Variants in ERC1 observed in about 807,000 individuals in gnomAD.
ERC1 encodes RAB6 interacting protein 2.
Under a neutral mutation model 132.0 loss-of-function variants are expected in ERC1, and 56 were observed. That is an observed-to-expected ratio of 0.42 (90% confidence interval 0.34 to 0.53). The LOEUF (loss-of-function observed/expected upper bound fraction) is 0.53. Ranked by LOEUF, ERC1 falls within the 20% of genes least tolerant of loss-of-function variation. ERC1 has a pLI of 0.03. For missense variants in ERC1, 1,202 were observed against 1,349.9 expected, an observed-to-expected ratio of 0.89 and a Z score of 1.72; for synonymous variants, 478 against 476.1, an observed-to-expected ratio of 1.00 and a Z score of -0.05.
chr12:1,065,521 T>TGTGTGTGTGG (rs61391025), intron 2 of ERC1, among the ~76,000 whole-genome samples: 1 of 146,746 alleles, frequency 6.8e-6, no homozygotes, highest in Non-Finnish European at 1.5e-5. Flanking sequence ...TGTGTGTGTG[T>TGTGTGTGTGG]TTGTATATTG....
rs1592398230 is a variant in ERC1, at chr12:1,493,111, G to A, written c.*2881G>A. 1 of 218,096 alleles carries A rather than the reference G, an allele frequency of 4.6e-6. No individual in the cohort carries two copies. The highest frequency in any genetic ancestry group is 9.2e-6 in the Non-Finnish European group (1 of 108,450). The allele number at this position is 218,096 out of a possible 1,614,324, so 13.5% of individuals were successfully genotyped here. ...GGTTTTGTAACTGAAGAAGCCCAGT[G>A]TGAGCTTCTCATCTTTTCATATACC... is the stretch of plus-strand genomic sequence containing the variant. On this transcript the variant is annotated 3_prime_UTR_variant, in exon 19 of 19. Coordinates refer to ENST00000360905, the MANE Select transcript of ERC1 (RefSeq NM_178040.4).
At chr12:1,219,944 G>C (rs1305585977) in intron 12 of ERC1, among the ~76,000 whole-genome samples, 2 of 152,174 alleles carry the variant, frequency 1.3e-5, no homozygotes, top group Admixed American at 6.6e-5. Flanking sequence ...ATCATACACA[G>C]TGAAACCCAA....
chr12:1,226,069 A>C (rs1015898546), intron 12 of ERC1, among the ~76,000 whole-genome samples: 1 of 152,252 alleles, frequency 6.6e-6, no homozygotes, highest in Non-Finnish European at 1.5e-5. Context: ...AGTAAGGAGA[A>C]TAAATATAAA....
chr12:1,315,780 T>C (rs1357146157), intron 15 of ERC1, among the ~76,000 whole-genome samples: 1 of 152,192 alleles, frequency 6.6e-6, no homozygotes, highest in African/African-American at 2.4e-5. Flanking sequence ...GGACCGATGG[T>C]ATAATTGAGT....
At chr12:1,474,419 C>T (rs916818216) in intron 18 of ERC1, among the ~76,000 whole-genome samples, 1 of 152,194 alleles carries the variant, frequency 6.6e-6, no homozygotes, top group Admixed American at 6.5e-5. Context: ...TCCCTTTCAC[C>T]TCATGCTTTG....
In ERC1 at chr12:1,091,915, G is replaced by A. The variant is rs147949982; in HGVS notation, c.1086+8335G>A. 1.7e-3 allele frequency among the ~76,000 whole-genome samples: 259 copies of A among 152,196 alleles called. 1 individual carries two copies. Among genetic ancestry groups the A allele is most frequent in the African/African-American group, 5.7e-3 (235 of 41,536 alleles). On this transcript the variant is annotated intron_variant, in intron 3 of 18. Transcript: ENST00000360905. The stretch of plus-strand genomic sequence containing the variant: ...ATCAGGAAGCAGCACAAAGAATTAT[G>A]GGCTGGCAATGCTAGGGTATCCAGA...
intron 1 of ERC1, among the ~76,000 whole-genome samples, chr12:1,007,534 C>T (rs958573730): frequency 1.3e-4 from 9 of 68,540 alleles, no homozygotes; most frequent in African/African-American, 5.5e-4. Context: ...CTCTCTCTCT[C>T]TCTCTCTGTG....
At chr12:1,466,817 T>G (rs1330054198) in intron 18 of ERC1, among the ~76,000 whole-genome samples, 2 of 152,202 alleles carry the variant, frequency 1.3e-5, no homozygotes, top group African/African-American at 4.8e-5. Context: ...GGTGCTTGTT[T>G]AGCGACTGAA....
intron 1 of ERC1, 22 bp from the exon 2 acceptor site, chr12:1,027,726 A>G: frequency 3.4e-6 from 2 of 580,306 alleles, no homozygotes; most frequent in Non-Finnish European, 6.1e-6. Context: ...GGAGGATTTA[A>G]TGTGTGATCT....
At chr12:1,270,674 A>G (rs116664721) in intron 14 of ERC1, among the ~76,000 whole-genome samples, 1,888 of 151,698 alleles carry the variant, frequency 0.012, 40 homozygotes, top group African/African-American at 0.042. Flanking sequence ...TAATATATCT[A>G]TTGGTTTTGA....
chr12:1,016,007 C>G (rs573507605), intron 1 of ERC1, among the ~76,000 whole-genome samples: 64 of 149,410 alleles, frequency 4.3e-4, no homozygotes, highest in Admixed American at 8.7e-4. Context: ...TCAGGTTGGA[C>G]TAGTAATTTT....
In ERC1 at chr12:1,455,631, G is replaced by A. The variant is rs147821173; in HGVS notation, c.3213+10881G>A. ...GAATCCAGCACTGACATTAGCTCAC[G>A]TAGAACTAACATCTACTCAGGGAGT... On this transcript the variant is annotated intron_variant, in intron 18 of 18. Coordinates refer to ENST00000360905, the MANE Select transcript of ERC1 (RefSeq NM_178040.4). Among the ~76,000 whole-genome samples, 76 of 152,300 alleles carry A rather than the reference G, an allele frequency of 5.0e-4. 1 individual carries two copies. In the East Asian group the frequency reaches 0.012, roughly 24 times the overall value.
chr12:1,274,055 G>A (rs1039940371), intron 14 of ERC1, among the ~76,000 whole-genome samples: 6 of 152,152 alleles, frequency 3.9e-5, no homozygotes, highest in Non-Finnish European at 8.8e-5. Flanking sequence ...TTCCACATTC[G>A]TGTGGTAGCA....
chr12:1,043,818 C>T (rs1373864807), intron 2 of ERC1, among the ~76,000 whole-genome samples: 1 of 137,322 alleles, frequency 7.3e-6, no homozygotes, highest in African/African-American at 2.4e-5. Context: ...TTTGGAAAAG[C>T]ACTTCAACAG....
chr12:1,440,974 G>T lies in ERC1; in HGVS notation c.3025-3588G>T, dbSNP rs1345042679. On this transcript the variant is annotated intron_variant, in intron 17 of 18. Coordinates refer to ENST00000360905, the MANE Select transcript of ERC1 (RefSeq NM_178040.4). ...GCCTTATTTTTTAAGTTTTCGATTG[G>T]ACTCTGAAATTTTTCAGAATACCAG... Among the ~76,000 whole-genome samples, 4 of 151,484 alleles carry T rather than the reference G, an allele frequency of 2.6e-5. No homozygotes were observed. The East Asian group carries it at 5.9e-4, about 22-fold the overall frequency.
Position 1,190,174 on chromosome 12 carries a change from A to G in ERC1, c.2351+122A>G, listed in dbSNP as rs747053247. ...TTTAGGTTCTCGAATTCTTGCTATT[A>G]CTGTATTAGCTGCCTTTTTTCTAGG... On this transcript the variant is annotated intron_variant, in intron 12 of 18. Coordinates refer to ENST00000360905, the MANE Select transcript of ERC1 (RefSeq NM_178040.4). 3 of 922,242 alleles carry G rather than the reference A, an allele frequency of 3.3e-6. No homozygotes were observed. In the African/African-American group the frequency reaches 4.8e-5, roughly 15 times the overall value. 57.1% of individuals were successfully genotyped at this position (922,242 alleles called of 1,614,324 possible). A position where few individuals can be genotyped will look rare whatever the true frequency, so the allele number is the denominator to read the frequency against.
chr12:1,211,451 G>A (rs190625167), intron 12 of ERC1, among the ~76,000 whole-genome samples: 3 of 151,918 alleles, frequency 2.0e-5, no homozygotes, highest in African/African-American at 4.8e-5. Flanking sequence ...CCCGGCCTAA[G>A]TTGAGATGTT....
At chr12:1,281,203 T>C (rs1424921552) in intron 14 of ERC1, among the ~76,000 whole-genome samples, 1 of 152,210 alleles carries the variant, frequency 6.6e-6, no homozygotes, top group Non-Finnish European at 1.5e-5. Context: ...TAAAATGCAA[T>C]AAATATTTTC....
intron 1 of ERC1, among the ~76,000 whole-genome samples, chr12:1,017,812 T>A (rs1490039984): frequency 1.3e-5 from 2 of 152,010 alleles, no homozygotes; most frequent in African/African-American, 2.4e-5. Context: ...CTGGTATTTT[T>A]AAAAAACTCA....
Sources: gnomAD v4.1 joint callset for allele counts (sites outside exome capture counted in the v4.1 genomes callset) on GRCh38, gnomAD v4.1.1 for gene constraint, MANE v1.5 for transcripts, NCBI Gene and HGNC (gene_info 2026-07-23, HGNC 2026-07-21) for gene names.